DRC11: variants seen among roughly 807,000 people sequenced by gnomAD.
DRC11 encodes dynein regulatory complex subunit 11.
the DRC11 span, among the ~76,000 whole-genome samples, chr2:236,498,308 A>G: frequency 0.063 from 9,645 of 151,918 alleles, 602 homozygotes; most frequent in East Asian, 0.28. Flanking sequence ...TACAAAAAAA[A>G]AAAAAAATTA....
At chr2:236,389,205 C>CGGCT in the DRC11 span, among the ~76,000 whole-genome samples, 1 of 152,208 alleles carries the variant, frequency 6.6e-6, no homozygotes, top group Non-Finnish European at 1.5e-5. Flanking sequence ...TCGAGCTTCC[C>CGGCT]GGCTGCTTTG....
chr2:236,452,935 G>T, the DRC11 span, among the ~76,000 whole-genome samples: 1 of 152,152 alleles, frequency 6.6e-6, no homozygotes, highest in Non-Finnish European at 1.5e-5. The surrounding 1 kb of genome is among the most constrained non-coding windows in gnomAD (Gnocchi z 4.7). Context: ...CAGAAAATGG[G>T]ATGCATGCTT....
chr2:236,461,762 T>C, the DRC11 span, among the ~76,000 whole-genome samples: 1 of 152,186 alleles, frequency 6.6e-6, no homozygotes, highest in African/African-American at 2.4e-5. The surrounding 1 kb of genome is among the most constrained non-coding windows in gnomAD (Gnocchi z 4.0). Flanking sequence ...ACAGAGAAGC[T>C]AAATGACTTG....
At chr2:236,357,334 A>G in the DRC11 span, among the ~76,000 whole-genome samples, 13 of 107,708 alleles carry the variant, frequency 1.2e-4, no homozygotes, top group South Asian at 2.3e-3. Context: ...ATATTCATAT[A>G]TGAATATATA....
the DRC11 span, among the ~76,000 whole-genome samples, chr2:236,340,796 C>T: frequency 6.6e-6 from 1 of 152,174 alleles, no homozygotes; most frequent in African/African-American, 2.4e-5. Flanking sequence ...ATGAATCAGC[C>T]TATCTGGATG....
chr2:236,354,070 A>C, the DRC11 span, among the ~76,000 whole-genome samples: 3 of 152,176 alleles, frequency 2.0e-5, no homozygotes, highest in Non-Finnish European at 4.4e-5. Context: ...TAGAATGAGA[A>C]GCCTGGCTGG....
the DRC11 span, among the ~76,000 whole-genome samples, chr2:236,375,714 A>T: frequency 6.6e-6 from 1 of 152,212 alleles, no homozygotes; most frequent in South Asian, 2.1e-4. This position sits in a 1 kb window ranked among gnomAD's most constrained non-coding sequence, Gnocchi z 4.2. Context: ...GGTCAATGTA[A>T]ATACCAGGAT....
At chr2:236,324,895 T>C in the DRC11 span, 2 of 740,878 alleles carry the variant, frequency 2.7e-6, no homozygotes, top group East Asian at 5.6e-5. This position sits in a 1 kb window ranked among gnomAD's most constrained non-coding sequence, Gnocchi z 5.7. Flanking sequence ...GCCATTGTAC[T>C]TTGGGCATTT....
chr2:236,465,842 C>T, the DRC11 span: 1 of 640,216 alleles, frequency 1.6e-6, no homozygotes, highest in Admixed American at 2.7e-5. This position sits in a 1 kb window ranked among gnomAD's most constrained non-coding sequence, Gnocchi z 6.2. Context: ...TACAAGCATC[C>T]AGAGGAAGCA....
the DRC11 span, chr2:236,332,561 A>G: frequency 2.6e-5 from 4 of 152,170 alleles, no homozygotes; most frequent in African/African-American, 9.7e-5. The surrounding 1 kb of genome is among the most constrained non-coding windows in gnomAD (Gnocchi z 5.1). Context: ...ACTTGAAACC[A>G]TTTTTTAAAA....
At chr2:236,423,576 A>G in the DRC11 span, among the ~76,000 whole-genome samples, 1 of 152,222 alleles carries the variant, frequency 6.6e-6, no homozygotes, top group Non-Finnish European at 1.5e-5. Context: ...GATGTGGAGA[A>G]ATAGGAACAC....
the DRC11 span, among the ~76,000 whole-genome samples, chr2:236,440,873 TG>T: frequency 2.0e-5 from 3 of 152,222 alleles, no homozygotes; most frequent in Non-Finnish European, 4.4e-5. Flanking sequence ...GAACTCATTT[TG>T]AATAAATATG....
At chr2:236,426,926 G>A in the DRC11 span, among the ~76,000 whole-genome samples, 2 of 152,136 alleles carry the variant, frequency 1.3e-5, no homozygotes, top group Non-Finnish European at 2.9e-5. This position sits in a 1 kb window ranked among gnomAD's most constrained non-coding sequence, Gnocchi z 4.1. Context: ...TGGGCTTTTC[G>A]TATATAGTCT....
chr2:236,448,516 A>G, the DRC11 span, among the ~76,000 whole-genome samples: 3 of 152,136 alleles, frequency 2.0e-5, no homozygotes, highest in South Asian at 4.1e-4. The surrounding 1 kb of genome is among the most constrained non-coding windows in gnomAD (Gnocchi z 5.3). Flanking sequence ...TTGTATTTTT[A>G]GTAGATACGG....
At chr2:236,342,095 C>T in the DRC11 span, among the ~76,000 whole-genome samples, 1 of 152,170 alleles carries the variant, frequency 6.6e-6, no homozygotes. This position sits in a 1 kb window ranked among gnomAD's most constrained non-coding sequence, Gnocchi z 5.8. Flanking sequence ...GGAGGGGCCT[C>T]ACCCAAAGGC....
chr2:236,381,763 A>G, the DRC11 span, among the ~76,000 whole-genome samples: 8 of 152,170 alleles, frequency 5.3e-5, no homozygotes, highest in Non-Finnish European at 7.4e-5. This position sits in a 1 kb window ranked among gnomAD's most constrained non-coding sequence, Gnocchi z 5.8. Context: ...ATGTCTCTTT[A>G]TGTCTTTCAC....
the DRC11 span, among the ~76,000 whole-genome samples, chr2:236,435,312 AG>A: frequency 6.6e-6 from 1 of 152,256 alleles, no homozygotes; most frequent in Non-Finnish European, 1.5e-5. Context: ...CATCCATGGC[AG>A]GGGTCAGCAA....
At chr2:236,480,088 G>A in the DRC11 span, among the ~76,000 whole-genome samples, 7 of 148,300 alleles carry the variant, frequency 4.7e-5, no homozygotes, top group African/African-American at 1.7e-4. Context: ...TGGCCTGTAT[G>A]GTTTCCTTTG....
the DRC11 span, among the ~76,000 whole-genome samples, chr2:236,434,675 G>A: frequency 1.3e-5 from 2 of 152,112 alleles, no homozygotes; most frequent in Admixed American, 1.3e-4. The surrounding 1 kb of genome is among the most constrained non-coding windows in gnomAD (Gnocchi z 5.5). Flanking sequence ...CTGCTTTGTG[G>A]TCTCCTCTGT....
Sources: gnomAD v4.1 joint callset for allele counts (sites outside exome capture counted in the v4.1 genomes callset) on GRCh38, gnomAD v4.1.1 for gene constraint, Gnocchi (gnomAD v3.1) non-coding constraint, MANE v1.5 for transcripts, NCBI Gene and HGNC (gene_info 2026-07-23, HGNC 2026-07-21) for gene names.